ZNF235: variants seen among roughly 807,000 people sequenced by gnomAD.
ZNF235 encodes zfp-93.
Under a neutral mutation model 29.4 loss-of-function variants are expected in ZNF235, and 25 were observed. That is an observed-to-expected ratio of 0.85 (90% CI 0.62 to 1.19). The LOEUF (loss-of-function observed/expected upper bound fraction) is 1.19. Among genes scored for constraint, ZNF235 ranks in the 50% most tolerant of loss-of-function variants. ZNF235 has a pLI of 0.00. For missense variants in ZNF235, 788 were observed against 885.0 expected, an observed-to-expected ratio of 0.89 and a Z score of 1.39; for synonymous variants, 300 against 295.3, an observed-to-expected ratio of 1.02 and a Z score of -0.16.
chr19:44,291,234 A>G (rs1975580710), intron 4 of ZNF235, among the ~76,000 whole-genome samples: 1 of 152,234 alleles, frequency 6.6e-6, no homozygotes, highest in South Asian at 2.1e-4. Context: ...TAAATCAGAA[A>G]TTATGAACAG....
rs368515529 is a variant in ZNF235, at chr19:44,298,833, A to C, written c.213T>G (p.Leu71=). Residue 71 remains leucine (L), a synonymous_variant, in exon 4 of 5, where the codon CTT becomes CTG. Transcript: ENST00000291182. ...CTGAATGCTTACCTCTTTGGGTTTG[A>C]AGCTCCTTCATCCAAAGCTTTTCTT... The part of the protein sequence containing the change: ...EREEKLWMKE[L]QTQRGKHSGD... The C allele has an allele frequency of 1.9e-6, 3 of 1,613,844 alleles. No homozygotes were observed. The African/African-American group carries it at 4.0e-5, about 22-fold the overall frequency.
At chr19:44,303,605 C>T (rs1975787461) in intron 1 of ZNF235, among the ~76,000 whole-genome samples, 153 bp from the exon 2 acceptor site, 1 of 152,200 alleles carries the variant, frequency 6.6e-6, no homozygotes, top group Non-Finnish European at 1.5e-5. Flanking sequence ...CTCCCAGCTA[C>T]CCCTCGGCCC....
chr19:44,304,664 C>A, intron 1 of ZNF235: 5 of 949,310 alleles, frequency 5.3e-6, no homozygotes, highest in Non-Finnish European at 6.3e-6. Flanking sequence ...TTTACAGGCA[C>A]GAGGAAACTG....
intron 3 of ZNF235, among the ~76,000 whole-genome samples, chr19:44,299,212 T>C (rs905911706): frequency 1.1e-4 from 17 of 152,344 alleles, no homozygotes; most frequent in African/African-American, 3.8e-4. Flanking sequence ...GGCTCTGATA[T>C]TGTTACTCTA....
At chr19:44,293,974 TAAC>T (rs1975619684) in intron 4 of ZNF235, among the ~76,000 whole-genome samples, 3 of 146,076 alleles carry the variant, frequency 2.1e-5, no homozygotes, top group African/African-American at 7.5e-5. Flanking sequence ...GATAAAAAAT[TAAC>T]AACCTGTGTC....
intron 2 of ZNF235, among the ~76,000 whole-genome samples, chr19:44,302,953 TA>T (rs1975764883): frequency 7.3e-6 from 1 of 137,028 alleles, no homozygotes; most frequent in African/African-American, 2.8e-5. Flanking sequence ...TATTTGTATA[TA>T]TAAATATATA....
chr19:44,303,022 A>AT (rs1491101335), intron 2 of ZNF235, among the ~76,000 whole-genome samples: 1 of 139,500 alleles, frequency 7.2e-6, no homozygotes. Flanking sequence ...ATATTTATAT[A>AT]AAATATACGT....
chr19:44,300,835 G>A (rs919857844), intron 2 of ZNF235, among the ~76,000 whole-genome samples: 12 of 95,098 alleles, frequency 1.3e-4, no homozygotes, highest in South Asian at 5.4e-4. Flanking sequence ...GCGAGACTCC[G>A]TCTCAAAAAA....
Position 44,288,184 on chromosome 19 carries a change from A to C in ZNF235, c.1251T>G (p.His417Gln). Residue 417 changes from histidine to glutamine, a missense_variant, in exon 5 of 5, where the codon CAT (histidine) becomes CAG (glutamine). Physicochemically the swap from His to Gln is conservative, Grantham distance 24. Transcript: ENST00000291182. ...VCGKGFTQRS[H>Q]LQAHERIHTG... ...TGTGAATTCTTTCATGGGCCTGAAG[A>C]TGTGATCTCTGAGTGAAGCCCTTCC... 1 of 1,613,990 alleles carries C rather than the reference A, an allele frequency of 6.2e-7. No homozygotes were observed. The highest frequency in any genetic ancestry group is 8.5e-7 in the Non-Finnish European group (1 of 1,179,986).
At chr19:44,297,566 C>T (rs570785385) in intron 4 of ZNF235, among the ~76,000 whole-genome samples, 4 of 152,204 alleles carry the variant, frequency 2.6e-5, no homozygotes, top group South Asian at 2.1e-4. Context: ...TGGGTTCAAG[C>T]GATTCTCCTG....
At chr19:44,298,154 A>T (rs1456329019) in intron 4 of ZNF235, among the ~76,000 whole-genome samples, 1 of 152,264 alleles carries the variant, frequency 6.6e-6, no homozygotes, top group East Asian at 1.9e-4. Context: ...AAGGTTTAAG[A>T]AAAAACAGCA....
Position 44,287,308 on chromosome 19 carries a change from C to A in ZNF235, c.2127G>T (p.Arg709Ser), listed in dbSNP as rs1975500332. Residue 709 changes from arginine to serine, a missense_variant, in exon 5 of 5, where the codon AGG becomes AGT. Transcript: ENST00000291182. ...HTHQRVHTGE[R>S]PYICDVCCKG... ...TACAACAGACATCACATATGTAAGG[C>A]CTCTCTCCAGTGTGGACTCTCTGGT... is the stretch of plus-strand genomic sequence containing the variant. The A allele has an allele frequency of 6.2e-7, 1 of 1,613,464 alleles. No individual in the cohort carries two copies. The highest frequency in any genetic ancestry group is 1.3e-5 in the African/African-American group (1 of 74,922).
chr19:44,288,421 CTGA>C lies in ZNF235; in HGVS notation c.1011_1013del (p.His337del), dbSNP rs1420225203. On this transcript the variant is annotated inframe_deletion, in exon 5 of 5. Transcript: ENST00000291182. ...AGGGTTTCTCCCCTGTGTGGACTCT[CTGA>C]TGAGTTTGCAGATTTGAGCTCTGAC... 5 of 1,614,084 alleles carry C rather than the reference CTGA, an allele frequency of 3.1e-6. No homozygotes were observed. In the African/African-American group the frequency reaches 6.7e-5, roughly 22 times the overall value.
intron 2 of ZNF235, 97 bp from the exon 3 acceptor site, chr19:44,299,829 A>G (rs1453573900): frequency 6.3e-7 from 1 of 1,589,946 alleles, no homozygotes; most frequent in Non-Finnish European, 8.6e-7. Context: ...CCCCTTCCAC[A>G]ATCACACCAA....
In ZNF235 at chr19:44,288,816, G is replaced by C. The variant is rs2609908; in HGVS notation, c.619C>G (p.Leu207Val). Reference protein sequence around the residue: ...SCKQTQMKNKLCIFAPYVDIF... With the variant: ...SCKQTQMKNKVCIFAPYVDIF... ...TCAACATATGGAGCAAATATACATA[G>C]TTTGTTTTTCATCTGAGTCTGCTTA... Residue 207 changes from leucine (L) to valine (V), a missense_variant, in exon 5 of 5, where the codon CTA (leucine) becomes GTA (valine). By Grantham distance (32) the Leu-to-Val change is conservative. Transcript: ENST00000291182. 5.6e-6 allele frequency: 9 copies of C among 1,612,710 alleles called. No individual in the cohort carries two copies. The highest frequency in any genetic ancestry group is 6.8e-6 in the Non-Finnish European group (8 of 1,179,154).
chr19:44,303,516 T>C (rs1197940298), intron 1 of ZNF235, 64 bp from the exon 2 acceptor site: 5 of 1,450,232 alleles, frequency 3.4e-6, no homozygotes, highest in African/African-American at 2.8e-5. Context: ...GGCACTTTTA[T>C]GTGACACTTC....
intron 1 of ZNF235, 173 bp downstream of exon 1, chr19:44,304,798 G>C (rs1975807283): frequency 1.8e-5 from 18 of 985,428 alleles, no homozygotes; most frequent in Non-Finnish European, 2.0e-5. Flanking sequence ...ACGCGAGCCC[G>C]CCTCCCACGC....
chr19:44,297,470 CCT>C (rs1491392480), intron 4 of ZNF235: 1 of 152,440 alleles, frequency 6.6e-6, no homozygotes, highest in Non-Finnish European at 1.5e-5. Flanking sequence ...AGGAATCTAA[CCT>C]TTTTTTTTGA....
intron 4 of ZNF235, among the ~76,000 whole-genome samples, chr19:44,291,541 A>G (rs956216015): frequency 3.9e-5 from 6 of 152,190 alleles, no homozygotes; most frequent in Admixed American, 1.3e-4. Context: ...AAAAACAGAA[A>G]GAAGATACAA....
Sources: gnomAD v4.1 joint callset for allele counts (sites outside exome capture counted in the v4.1 genomes callset) on GRCh38, gnomAD v4.1.1 for gene constraint, MANE v1.5 for transcripts, NCBI Gene and HGNC (gene_info 2026-07-23, HGNC 2026-07-21) for gene names.